The following ATOSA variants were observed in gnomAD, a reference collection of about 807,000 sequenced individuals.
ATOSA encodes atos homolog protein A.
chr15:52,609,474 C>A, the ATOSA span: 1 of 1,613,652 alleles, frequency 6.2e-7, no homozygotes, highest in African/African-American at 1.3e-5. Context: ...CTTGCCGCTC[C>A]TGGAGTAAAG....
At chr15:52,582,046 C>G in the ATOSA span, 31 of 885,126 alleles carry the variant, frequency 3.5e-5, no homozygotes, top group Non-Finnish European at 5.0e-5. Context: ...TCCAGGATAA[C>G]AGGAGAGAAT....
At chr15:52,592,440 T>A in the ATOSA span, among the ~76,000 whole-genome samples, 1 of 152,212 alleles carries the variant, frequency 6.6e-6, no homozygotes, top group Non-Finnish European at 1.5e-5. Context: ...CTGATACTAA[T>A]CATATACTAG....
At chr15:52,585,568 C>G in the ATOSA span, among the ~76,000 whole-genome samples, 1 of 152,056 alleles carries the variant, frequency 6.6e-6, no homozygotes, top group Non-Finnish European at 1.5e-5. Flanking sequence ...CTAAAGTAGG[C>G]TAATACTTCA....
chr15:52,603,316 G>T, the ATOSA span, among the ~76,000 whole-genome samples: 7 of 152,196 alleles, frequency 4.6e-5, no homozygotes, highest in African/African-American at 7.2e-5. Flanking sequence ...CTATCCAAAA[G>T]ACAGGCAATA....
the ATOSA span, chr15:52,586,291 TTC>T: frequency 2.0e-5 from 3 of 152,236 alleles, no homozygotes; most frequent in Non-Finnish European, 2.9e-5. Context: ...TGTTACATAC[TTC>T]TGTTTCATTC....
At chr15:52,667,684 A>G in the ATOSA span, among the ~76,000 whole-genome samples, 276 of 152,300 alleles carry the variant, frequency 1.8e-3, 1 homozygote, top group African/African-American at 6.4e-3. Flanking sequence ...TGAAATATAC[A>G]CAATCGGCTT....
the ATOSA span, chr15:52,587,314 G>A: frequency 9.5e-7 from 1 of 1,052,202 alleles, no homozygotes. Flanking sequence ...TAAAATTTCA[G>A]AATTCTATTT....
the ATOSA span, among the ~76,000 whole-genome samples, chr15:52,666,427 A>C: frequency 1.3e-5 from 2 of 152,330 alleles, no homozygotes; most frequent in South Asian, 4.1e-4. Flanking sequence ...TAGAGAATGA[A>C]CAACTACTTA....
At chr15:52,634,553 A>T in the ATOSA span, among the ~76,000 whole-genome samples, 486 of 144,788 alleles carry the variant, frequency 3.4e-3, 2 homozygotes, top group Middle Eastern at 0.011. Flanking sequence ...TTTTTTTTTT[A>T]AAAAGCAAGA....
At chr15:52,661,157 A>G in the ATOSA span, among the ~76,000 whole-genome samples, 11 of 152,292 alleles carry the variant, frequency 7.2e-5, no homozygotes, top group Non-Finnish European at 1.3e-4. Flanking sequence ...CTTTATATCC[A>G]TCTCTTTCTC....
the ATOSA span, among the ~76,000 whole-genome samples, chr15:52,685,871 C>G: frequency 2.0e-5 from 3 of 152,124 alleles, no homozygotes; most frequent in Non-Finnish European, 4.4e-5. Flanking sequence ...CCATCACCAC[C>G]ATGCCCCGCT....
chr15:52,603,074 G>A, the ATOSA span, among the ~76,000 whole-genome samples: 5 of 152,172 alleles, frequency 3.3e-5, no homozygotes, highest in African/African-American at 1.2e-4. Context: ...ACACCAGCAA[G>A]ACGCTGAAAA....
the ATOSA span, among the ~76,000 whole-genome samples, chr15:52,637,386 A>G: frequency 2.1e-4 from 32 of 152,314 alleles, no homozygotes; most frequent in African/African-American, 7.7e-4. Flanking sequence ...ATGAAGTCCA[A>G]CATCATTTCG....
At chr15:52,702,779 CAAA>C in the ATOSA span, among the ~76,000 whole-genome samples, 4 of 91,878 alleles carry the variant, frequency 4.4e-5, no homozygotes, top group Non-Finnish European at 6.6e-5. Context: ...AAAGTGTTTC[CAAA>C]AAAAAAAAAA....
chr15:52,644,306 G>C, the ATOSA span, among the ~76,000 whole-genome samples: 5 of 152,072 alleles, frequency 3.3e-5, no homozygotes, highest in African/African-American at 1.2e-4. Context: ...TAAAAAATTA[G>C]GGTAAGAAAC....
the ATOSA span, among the ~76,000 whole-genome samples, chr15:52,616,288 C>T: frequency 1.1e-4 from 17 of 152,276 alleles, no homozygotes; most frequent in African/African-American, 4.1e-4. Flanking sequence ...ACGGTAGTGA[C>T]GTGTTGCTTG....
chr15:52,644,011 T>TA, the ATOSA span, among the ~76,000 whole-genome samples: 2 of 152,132 alleles, frequency 1.3e-5, no homozygotes, highest in African/African-American at 4.8e-5. Context: ...GGTAGAGTTT[T>TA]AAAATCTTTA....
At chr15:52,584,689 C>A in the ATOSA span, 2 of 1,443,130 alleles carry the variant, frequency 1.4e-6, no homozygotes, top group South Asian at 1.3e-5. Context: ...AAAAAAAAAA[C>A]TAAAAATTTT....
the ATOSA span, among the ~76,000 whole-genome samples, chr15:52,659,377 C>T: frequency 7.9e-5 from 12 of 152,142 alleles, no homozygotes; most frequent in Non-Finnish European, 1.6e-4. Context: ...TCATATTTAA[C>T]CAATATGACT....
Sources: allele counts gnomAD v4.1 joint callset (sites outside exome capture counted in the v4.1 genomes callset), GRCh38; gene constraint gnomAD v4.1.1; transcripts MANE v1.5; gene names NCBI Gene and HGNC (gene_info 2026-07-23, HGNC 2026-07-21).